IMMP2L: variants seen among roughly 807,000 people sequenced by gnomAD.
The protein encoded by IMMP2L is mitochondrial inner membrane protease subunit 2.
A neutral mutation model predicts 19.3 loss-of-function variants in IMMP2L; 18 were observed. The observed-to-expected ratio is 0.93, with a 90% CI of 0.64 to 1.38. The LOEUF (loss-of-function observed/expected upper bound fraction) is 1.38, where lower values mean the gene tolerates loss of function less well. Among genes scored for constraint, IMMP2L ranks in the 40% most tolerant of loss-of-function variants. The pLI is 0.00. For missense variants in IMMP2L, 233 were observed against 218.2 expected (o/e 1.07, Z -0.43); for synonymous variants, 76 against 73.0 (o/e 1.04, Z -0.21).
At chr7:110,771,754 G>A (rs1214923101) in intron 5 of IMMP2L, among the ~76,000 whole-genome samples, 4 of 152,118 alleles carry the variant, frequency 2.6e-5, no homozygotes, top group Admixed American at 1.3e-4. Flanking sequence ...ATATATGCCA[G>A]CTATAATTCT....
At chr7:111,007,310 A>G (rs1352046122) in intron 3 of IMMP2L, among the ~76,000 whole-genome samples, 8 of 152,054 alleles carry the variant, frequency 5.3e-5, no homozygotes, top group Non-Finnish European at 1.2e-4. Context: ...CAGGATTACA[A>G]TTCAAGATGA....
chr7:111,249,126 G>GC (rs1189304532), intron 3 of IMMP2L, among the ~76,000 whole-genome samples: 27 of 64,062 alleles, frequency 4.2e-4, no homozygotes, highest in African/African-American at 1.8e-3. Flanking sequence ...CAGCCTCGTT[G>GC]CCGCCTTGCA....
At chr7:110,935,652 A>G (rs542593515) in intron 4 of IMMP2L, among the ~76,000 whole-genome samples, 1 of 152,130 alleles carries the variant, frequency 6.6e-6, no homozygotes, top group African/African-American at 2.4e-5. Flanking sequence ...TGCTATGCAC[A>G]TCAAGCTACT....
intron 3 of IMMP2L, among the ~76,000 whole-genome samples, chr7:110,998,011 C>T (rs1007657735): frequency 2.6e-5 from 4 of 152,166 alleles, no homozygotes; most frequent in African/African-American, 9.6e-5. Flanking sequence ...TATCTGCATA[C>T]GGTTTATGTG....
At chr7:111,378,344 T>A (rs796991182) in intron 3 of IMMP2L, among the ~76,000 whole-genome samples, 1 of 151,986 alleles carries the variant, frequency 6.6e-6, no homozygotes, top group Non-Finnish European at 1.5e-5. Flanking sequence ...ATACTTATAA[T>A]CCAGTTAGTC....
chr7:110,817,484 C>T (rs1218512297), intron 5 of IMMP2L, among the ~76,000 whole-genome samples: 2 of 152,094 alleles, frequency 1.3e-5, no homozygotes, highest in Non-Finnish European at 2.9e-5. Flanking sequence ...CATGGAAGAA[C>T]ATTCCATGCT....
At chr7:111,478,540 A>G (rs1388188183) in intron 3 of IMMP2L, among the ~76,000 whole-genome samples, 1 of 150,682 alleles carries the variant, frequency 6.6e-6, no homozygotes, top group Non-Finnish European at 1.5e-5. Context: ...GACTACAGGC[A>G]TGCAACACCA....
chr7:111,196,719 A>G (rs374305781), intron 3 of IMMP2L, among the ~76,000 whole-genome samples: 1 of 152,214 alleles, frequency 6.6e-6, no homozygotes, highest in East Asian at 1.9e-4. Context: ...TTCTTTCCCC[A>G]TAAATAATCA....
intron 3 of IMMP2L, among the ~76,000 whole-genome samples, chr7:111,193,762 T>C (rs1161162458): frequency 6.6e-6 from 1 of 152,276 alleles, no homozygotes; most frequent in African/African-American, 2.4e-5. Context: ...AATTAAGATA[T>C]TTTAGCTGGG....
intron 3 of IMMP2L, among the ~76,000 whole-genome samples, chr7:111,201,468 C>T (rs910180158): frequency 1.3e-5 from 2 of 151,944 alleles, no homozygotes; most frequent in Non-Finnish European, 2.9e-5. Context: ...GTAGTCCCAA[C>T]ACTTTGGGAG....
intron 1 of IMMP2L, among the ~76,000 whole-genome samples, chr7:111,553,787 AGTAGTTCCTATCTTACAGGACAAG>A (rs1481879316): frequency 6.6e-6 from 1 of 152,200 alleles, no homozygotes; most frequent in East Asian, 1.9e-4. Flanking sequence ...AAATCCATAA[AGTAGTTCCTATCTTACAGGACAAG>A]GTAGCCAGCT....
chr7:111,174,133 C>A (rs904283749), intron 3 of IMMP2L, among the ~76,000 whole-genome samples: 11 of 151,602 alleles, frequency 7.3e-5, no homozygotes, highest in Admixed American at 7.2e-4. Flanking sequence ...ACCGTGGGAC[C>A]CTGGTCTCAG....
At chr7:111,508,898 C>T (rs2132540068) in intron 2 of IMMP2L, among the ~76,000 whole-genome samples, 1 of 152,198 alleles carries the variant, frequency 6.6e-6, no homozygotes, top group South Asian at 2.1e-4. Flanking sequence ...TGGGGACCCA[C>T]CCTATCTGCC....
chr7:111,227,570 C>T (rs1046483858), intron 3 of IMMP2L, among the ~76,000 whole-genome samples: 4 of 151,998 alleles, frequency 2.6e-5, no homozygotes, highest in African/African-American at 9.7e-5. Context: ...GAAAAGGAAT[C>T]CCAAGAAATA....
At chr7:111,552,868 T>C (rs911514085) in intron 1 of IMMP2L, among the ~76,000 whole-genome samples, 4 of 152,164 alleles carry the variant, frequency 2.6e-5, no homozygotes, top group Non-Finnish European at 5.9e-5. Context: ...CTTTGGCAGC[T>C]TGAATCTCGG....
rs143394457 is a variant in IMMP2L, at chr7:111,353,131, C to T, written c.239+134107G>A. On this transcript the variant is annotated intron_variant, in intron 3 of 5. Transcript: ENST00000405709. ...TTCCAGAAGAAGCAGGCTGTGCAGC[C>T]ATTCCAACTCTGCCACCAGCACACT... 1.7e-3 allele frequency among the ~76,000 whole-genome samples: 255 copies of T among 152,300 alleles called. 3 individuals carry two copies. The highest frequency in any genetic ancestry group is 5.9e-3 in the African/African-American group (245 of 41,562).
intron 3 of IMMP2L, among the ~76,000 whole-genome samples, chr7:110,981,087 T>C (rs1396899645): frequency 6.6e-6 from 1 of 152,180 alleles, no homozygotes; most frequent in African/African-American, 2.4e-5. Context: ...CTTGCAATTA[T>C]TGAGTTTGCA....
At position 110,915,356 on chromosome 7, in the gene IMMP2L, C is replaced by T. The variant is rs531063622; in HGVS notation, c.306-28661G>A. Among the ~76,000 whole-genome samples the T allele has an allele frequency of 8.6e-5, 13 of 151,094 alleles. No individual in the cohort carries two copies. The East Asian group carries it at 2.2e-3, about 25-fold the overall frequency. On this transcript the variant is annotated intron_variant, in intron 4 of 5. Transcript: ENST00000405709. ...GGACATTATGCTACATGAAATAAGC[C>T]TGACACAGAAAGACAAATACTGTGT...
At chr7:110,986,381 A>C (rs983834880) in intron 3 of IMMP2L, among the ~76,000 whole-genome samples, 33 of 152,084 alleles carry the variant, frequency 2.2e-4, no homozygotes, top group African/African-American at 8.0e-4. Flanking sequence ...TCTGAGATAA[A>C]ATTTTAACTC....
Sources: gnomAD v4.1 joint callset for allele counts (sites outside exome capture counted in the v4.1 genomes callset) on GRCh38, gnomAD v4.1.1 for gene constraint, MANE v1.5 for transcripts, NCBI Gene and HGNC (gene_info 2026-07-23, HGNC 2026-07-21) for gene names.